Variants in DPP6 observed in about 807,000 individuals in gnomAD.
DPP6 encodes dipeptidyl peptidase like 6.
In DPP6, 69 loss-of-function variants were observed where a neutral mutation model predicts 122.6. That is an observed-to-expected ratio of 0.56 (90% CI 0.46 to 0.69). The LOEUF is 0.69. Ranked by LOEUF, DPP6 falls within the 30% of genes least tolerant of loss-of-function variation. DPP6 has a pLI of 0.00. For missense variants in DPP6, 928 were observed against 1,116.9 expected (o/e 0.83, Z 2.41); for synonymous variants, 418 against 433.1 (o/e 0.97, Z 0.43).
At chr7:153,934,996 A>G (rs1801362201) in intron 1 of DPP6, among the ~76,000 whole-genome samples, 1 of 152,188 alleles carries the variant, frequency 6.6e-6, no homozygotes, top group South Asian at 2.1e-4. Context: ...CCAGGGTGCC[A>G]TCCTGGCTGG....
intron 6 of DPP6, among the ~76,000 whole-genome samples, chr7:154,656,662 G>A (rs977558414): frequency 6.6e-6 from 1 of 152,098 alleles, no homozygotes; most frequent in Non-Finnish European, 1.5e-5. Flanking sequence ...ATTGGACCAA[G>A]ACCGGTAGGC....
chr7:154,701,927 A>G (rs117170188), intron 7 of DPP6, among the ~76,000 whole-genome samples: 3 of 152,190 alleles, frequency 2.0e-5, no homozygotes, highest in South Asian at 4.1e-4. Flanking sequence ...TGCTTTGCAC[A>G]TATTGGGTTT....
At chr7:154,102,658 A>G (rs546032655) in intron 1 of DPP6, among the ~76,000 whole-genome samples, 2 of 152,246 alleles carry the variant, frequency 1.3e-5, no homozygotes, top group East Asian at 1.9e-4. Context: ...TAAGTCTCAT[A>G]TCTGTGCACT....
chr7:154,707,204 C>T (rs1262425676), intron 7 of DPP6, among the ~76,000 whole-genome samples: 3 of 152,200 alleles, frequency 2.0e-5, no homozygotes. Flanking sequence ...GTTGATGACA[C>T]TTATTATGCT....
At chr7:153,980,172 C>G (rs2129037477) in intron 1 of DPP6, among the ~76,000 whole-genome samples, 1 of 152,214 alleles carries the variant, frequency 6.6e-6, no homozygotes, top group East Asian at 1.9e-4. Context: ...TCCGTCTGGT[C>G]CTGGGCTTTT....
intron 1 of DPP6, among the ~76,000 whole-genome samples, chr7:154,248,842 A>G (rs6969179): frequency 0.76 from 114,939 of 151,758 alleles, 44,716 homozygotes; most frequent in African/African-American, 0.94. Context: ...CTCCAGCCTC[A>G]GCAACAGAGG....
At chr7:154,393,815 C>T (rs919094175) in intron 1 of DPP6, among the ~76,000 whole-genome samples, 11 of 152,118 alleles carry the variant, frequency 7.2e-5, no homozygotes, top group African/African-American at 2.7e-4. Context: ...CCTCCCTCCC[C>T]CAATCGCTAG....
At chr7:153,925,502 G>T (rs1321519723) in intron 1 of DPP6, among the ~76,000 whole-genome samples, 1 of 151,620 alleles carries the variant, frequency 6.6e-6, no homozygotes, top group Non-Finnish European at 1.5e-5. Context: ...CTGTGGTTCT[G>T]ATGAGGGGAG....
the DPP6 span, among the ~76,000 whole-genome samples, chr7:153,871,339 C>A: frequency 6.6e-6 from 1 of 152,184 alleles, no homozygotes; most frequent in Non-Finnish European, 1.5e-5. Context: ...CCTACTCAAG[C>A]CTTGGCAATG....
At chr7:154,061,452 G>T (rs190822513) in intron 1 of DPP6, among the ~76,000 whole-genome samples, 5,979 of 136,738 alleles carry the variant, frequency 0.044, 110 homozygotes, top group African/African-American at 0.17. Flanking sequence ...AGACAGGGTT[G>T]CTAAAGGATG....
the DPP6 span, among the ~76,000 whole-genome samples, chr7:153,782,732 G>A: frequency 2.0e-5 from 3 of 152,326 alleles, no homozygotes; most frequent in African/African-American, 7.2e-5. Context: ...CTGTTTATGT[G>A]TACCATTAGT....
chr7:154,220,903 G>T (rs572922336), intron 1 of DPP6, among the ~76,000 whole-genome samples: 1 of 152,180 alleles, frequency 6.6e-6, no homozygotes, highest in Non-Finnish European at 1.5e-5. Context: ...CCTTCTGTGA[G>T]TGGGTTTTGG....
At chr7:154,521,292 T>G (rs978823906) in intron 3 of DPP6, among the ~76,000 whole-genome samples, 1 of 152,152 alleles carries the variant, frequency 6.6e-6, no homozygotes, top group African/African-American at 2.4e-5. Context: ...CCTACTTAAC[T>G]CTATATTTTC....
intron 12 of DPP6, among the ~76,000 whole-genome samples, chr7:154,798,100 T>C (rs562479584): frequency 6.6e-6 from 1 of 152,200 alleles, no homozygotes; most frequent in South Asian, 2.1e-4. Flanking sequence ...AAGGTGGACA[T>C]GCACACTCTG....
chr7:154,479,640 G>T (rs1823079449), intron 3 of DPP6, among the ~76,000 whole-genome samples: 1 of 151,558 alleles, frequency 6.6e-6, no homozygotes, highest in Non-Finnish European at 1.5e-5. Context: ...ACTCCCAGAA[G>T]TGGTCACAGC....
rs558800432 is a variant in DPP6 at position 154,464,659 on chromosome 7, A to T, written c.359-10280A>T. The stretch of plus-strand genomic sequence containing the variant: ...TTCTTGAGGCATTCCAGTCAAGTGG[A>T]CTTTTCTTAAAATTCATTAATAGTT... On this transcript the variant is annotated intron_variant, in intron 2 of 25. Transcript: ENST00000377770. Among the ~76,000 whole-genome samples the T allele has an allele frequency of 1.4e-4, 22 of 152,290 alleles. No homozygotes were observed. The South Asian group carries it at 2.7e-3, about 19-fold the overall frequency.
chr7:154,776,536 G>A (rs923716184), intron 10 of DPP6, among the ~76,000 whole-genome samples: 9 of 151,958 alleles, frequency 5.9e-5, no homozygotes, highest in South Asian at 2.1e-4. Flanking sequence ...TCATTTTCCC[G>A]CCTGCCACCT....
chr7:153,830,860 G>C, the DPP6 span, among the ~76,000 whole-genome samples: 1 of 152,198 alleles, frequency 6.6e-6, no homozygotes, highest in African/African-American at 2.4e-5. Flanking sequence ...ATTAAATACT[G>C]ACTGCTTCAC....
At chr7:154,508,967 T>C (rs914431856) in intron 3 of DPP6, among the ~76,000 whole-genome samples, 3 of 152,106 alleles carry the variant, frequency 2.0e-5, no homozygotes, top group Non-Finnish European at 2.9e-5. Context: ...CCTCACACCA[T>C]AGATAAAAAT....
Sources: allele counts gnomAD v4.1 joint callset (sites outside exome capture counted in the v4.1 genomes callset), GRCh38; gene constraint gnomAD v4.1.1; transcripts MANE v1.5; gene names NCBI Gene and HGNC (gene_info 2026-07-23, HGNC 2026-07-21).